The following CAPSL variants were observed in gnomAD, a reference collection of about 807,000 sequenced individuals.
The protein encoded by CAPSL is calcyphosin-like protein.
In CAPSL, 17 loss-of-function variants were observed where a neutral mutation model predicts 21.3. The ratio of observed to expected loss-of-function variants is 0.80; its 90% CI spans 0.55 to 1.20. The LOEUF is 1.20. Ranked by LOEUF, CAPSL falls within the 50% of genes most tolerant of loss-of-function variation. The pLI is 0.00. For synonymous variants in CAPSL, 102 were observed against 89.3 expected, an observed-to-expected ratio of 1.14 and a Z score of -0.80; for missense variants, 289 against 259.3, an observed-to-expected ratio of 1.11 and a Z score of -0.79.
chr5:35,920,851 C>T (rs1217217433), intron 2 of CAPSL, 133 bp downstream of exon 2: 1 of 936,510 alleles, frequency 1.1e-6, no homozygotes, highest in Non-Finnish European at 1.6e-6. Flanking sequence ...CTTCTAAACT[C>T]TACATTTTAC....
chr5:35,934,380 G>A (rs1397232310), intron 1 of CAPSL, among the ~76,000 whole-genome samples: 1 of 152,128 alleles, frequency 6.6e-6, no homozygotes, highest in Non-Finnish European at 1.5e-5. Flanking sequence ...ATCAACTTCT[G>A]AACAGCAATC....
chr5:35,923,363 C>G (rs987816121), intron 1 of CAPSL, among the ~76,000 whole-genome samples: 2 of 152,140 alleles, frequency 1.3e-5, no homozygotes, highest in Non-Finnish European at 2.9e-5. Context: ...GTGGTGCCCC[C>G]ACTAGGTAGT....
rs187879193 is a variant in CAPSL, at chr5:35,909,812, C to T, written c.525+54G>A. The T allele has an allele frequency of 4.8e-4, 684 of 1,419,622 alleles. 6 individuals carry two copies. In the East Asian group the frequency reaches 0.013, roughly 26 times the overall value. 87.9% of individuals were successfully genotyped at this position (1,419,622 alleles called of 1,614,324 possible). A position where few individuals can be genotyped will look rare whatever the true frequency, so the allele number is the denominator to read the frequency against. On this transcript the variant is annotated intron_variant, in intron 4 of 4. Transcript: ENST00000651391. ...TTTTTAAGAGTTTGGACCTATTTCC[C>T]ATTTACAATTTCGAATTGAAGAAAT...
chr5:35,911,478 A>G (rs1171424165), intron 2 of CAPSL, among the ~76,000 whole-genome samples: 1 of 152,216 alleles, frequency 6.6e-6, no homozygotes, highest in Non-Finnish European at 1.5e-5. Flanking sequence ...GAAGAAAAAA[A>G]TCAGAGAAAT....
intron 1 of CAPSL, among the ~76,000 whole-genome samples, chr5:35,937,841 A>AG (rs984335190): frequency 1.3e-5 from 2 of 151,578 alleles, no homozygotes; most frequent in African/African-American, 4.9e-5. Flanking sequence ...ATAAGTCAAA[A>AG]AAAAAAAACA....
In CAPSL at chr5:35,919,504, G is replaced by A. The variant is rs116573106; in HGVS notation, c.137+1480C>T. ...TAAAGACTCAGGGTGGAAAGATGGT[G>A]CCGGGAGTCAATGCTTCACAGAATG... On this transcript the variant is annotated intron_variant, in intron 2 of 4. Coordinates refer to ENST00000651391, the MANE Select transcript of CAPSL (RefSeq NM_001042625.2). Among the ~76,000 whole-genome samples the A allele has an allele frequency of 9.6e-3, 1,459 of 152,282 alleles. 32 individuals are homozygous for A. The highest frequency in any genetic ancestry group is 0.034 in the African/African-American group (1,400 of 41,544).
At chr5:35,911,389 T>C (rs1046295003) in intron 2 of CAPSL, among the ~76,000 whole-genome samples, 2 of 152,232 alleles carry the variant, frequency 1.3e-5, no homozygotes, top group East Asian at 1.9e-4. Flanking sequence ...ATGTTAATCA[T>C]ACATATCCTT....
At chr5:35,914,357 A>G (rs987229912) in intron 2 of CAPSL, among the ~76,000 whole-genome samples, 16 of 152,216 alleles carry the variant, frequency 1.1e-4, no homozygotes, top group Non-Finnish European at 1.9e-4. Context: ...CACCAAGCGG[A>G]CCTAATAGAC....
intron 1 of CAPSL, among the ~76,000 whole-genome samples, chr5:35,925,315 G>A (rs186421312): frequency 2.0e-5 from 3 of 152,342 alleles, no homozygotes; most frequent in Admixed American, 2.0e-4. Context: ...ACCTCTCAGA[G>A]GAGGTGATGT....
At chr5:35,920,545 A>G (rs1738510149) in intron 2 of CAPSL, among the ~76,000 whole-genome samples, 1 of 152,224 alleles carries the variant, frequency 6.6e-6, no homozygotes, top group African/African-American at 2.4e-5. Flanking sequence ...TCTGACAAGC[A>G]ATACCAGTGT....
In CAPSL at chr5:35,935,506, C is replaced by T. The variant is rs575972735; in HGVS notation, c.-1+3035G>A. Among the ~76,000 whole-genome samples the T allele has an allele frequency of 1.1e-4, 17 of 151,708 alleles. No homozygotes were observed. In the South Asian group the frequency reaches 1.5e-3, roughly 13 times the overall value. On this transcript the variant is annotated intron_variant, in intron 1 of 4. Coordinates refer to ENST00000651391, the MANE Select transcript of CAPSL (RefSeq NM_001042625.2). Reference sequence around the variant, plus strand: ...CACCACAATACCCAACTAATTTTTTCTTATTTTTAGTAGAGACAGGATCTT... The same window carrying T: ...CACCACAATACCCAACTAATTTTTTTTTATTTTTAGTAGAGACAGGATCTT...
In CAPSL at chr5:35,904,509, A is replaced by C. The variant is rs539384948; in HGVS notation, c.*36T>G. ...CTGACATTTAGTCATTTGGAGCCAC[A>C]TGGCTGTCCCAGGGCCTGGTCCCCA... On this transcript the variant is annotated 3_prime_UTR_variant, in exon 5 of 5. Transcript: ENST00000651391. 1.1e-5 allele frequency: 16 copies of C among 1,467,468 alleles called. No homozygotes were observed. The East Asian group carries it at 2.9e-4, about 27-fold the overall frequency. The allele number at this position is 1,467,468 out of a possible 1,614,324, so 90.9% of individuals were successfully genotyped here. A position where few individuals can be genotyped will look rare whatever the true frequency, so the allele number is the denominator to read the frequency against.
chr5:35,931,619 A>G (rs1434651206), intron 1 of CAPSL, among the ~76,000 whole-genome samples: 1 of 152,124 alleles, frequency 6.6e-6, no homozygotes, highest in Non-Finnish European at 1.5e-5. Context: ...GGGTTTTTAC[A>G]AAGAAATAAC....
intron 1 of CAPSL, among the ~76,000 whole-genome samples, chr5:35,928,848 C>T (rs879651745): frequency 6.6e-6 from 1 of 152,114 alleles, no homozygotes; most frequent in Non-Finnish European, 1.5e-5. Flanking sequence ...CTGGGACCAC[C>T]GTGGGTGCTG....
chr5:35,935,003 C>G (rs555996145), intron 1 of CAPSL, among the ~76,000 whole-genome samples: 2 of 152,178 alleles, frequency 1.3e-5, no homozygotes, highest in Non-Finnish European at 2.9e-5. Context: ...AGGAACCTCA[C>G]AGATTTTAAG....
chr5:35,919,464 T>C (rs1162831301), intron 2 of CAPSL, among the ~76,000 whole-genome samples: 1 of 152,196 alleles, frequency 6.6e-6, no homozygotes, highest in Non-Finnish European at 1.5e-5. Flanking sequence ...AAAGTCATCT[T>C]GATCTTGGTC....
intron 1 of CAPSL, among the ~76,000 whole-genome samples, chr5:35,924,610 C>T (rs986779320): frequency 6.6e-6 from 1 of 152,118 alleles, no homozygotes; most frequent in Non-Finnish European, 1.5e-5. Context: ...TTGAAATGCC[C>T]ATAGTAAGCA....
At position 35,938,603 on chromosome 5, in the gene CAPSL, A is replaced by G. The variant is rs956534547; in HGVS notation, c.-63T>C. 2.0e-5 allele frequency: 3 copies of G among 153,162 alleles called. No homozygotes were observed. Among genetic ancestry groups the G allele is most frequent in the Non-Finnish European group, 4.4e-5 (3 of 68,038 alleles). 9.5% of individuals were successfully genotyped at this position (153,162 alleles called of 1,614,324 possible). A position where few individuals can be genotyped will look rare whatever the true frequency, so the allele number is the denominator to read the frequency against. ...TGAAACTATGGACGCTGTCTCCTGCATCTAGGAAAACTGGTCCCTCCCAAG... is the reference window on the plus strand; with the variant it reads ...TGAAACTATGGACGCTGTCTCCTGCGTCTAGGAAAACTGGTCCCTCCCAAG... On this transcript the variant is annotated 5_prime_UTR_variant, in exon 1 of 5. An upstream start codon of the reference 5' UTR is lost. Coordinates refer to ENST00000651391, the MANE Select transcript of CAPSL (RefSeq NM_001042625.2).
At chr5:35,926,473 C>T (rs559373921) in intron 1 of CAPSL, among the ~76,000 whole-genome samples, 1 of 152,046 alleles carries the variant, frequency 6.6e-6, no homozygotes, top group South Asian at 2.1e-4. Flanking sequence ...AAACTCTCTC[C>T]CGCCTGGATT....
Sources: allele counts gnomAD v4.1 joint callset (sites outside exome capture counted in the v4.1 genomes callset), GRCh38; gene constraint gnomAD v4.1.1; transcripts MANE v1.5; gene names NCBI Gene and HGNC (gene_info 2026-07-23, HGNC 2026-07-21).